Variants in NELL1 observed in about 807,000 individuals in gnomAD.
NELL1 encodes protein kinase C-binding protein NELL1.
A neutral mutation model predicts 107.4 loss-of-function variants in NELL1; 76 were observed. That is an observed-to-expected ratio of 0.71 (90% confidence interval 0.59 to 0.86). The LOEUF (loss-of-function observed/expected upper bound fraction) is 0.86, where lower values mean the gene tolerates loss of function less well. Among genes scored for constraint, NELL1 ranks in the 40% least tolerant of loss-of-function variants. The pLI, the probability that NELL1 is intolerant of heterozygous loss-of-function variation, is 0.00. For synonymous variants in NELL1, 353 were observed against 341.2 expected, an observed-to-expected ratio of 1.03 and a Z score of -0.38; for missense variants, 1,024 against 1,005.5, an observed-to-expected ratio of 1.02 and a Z score of -0.25.
chr11:20,819,667 C>T (rs1288028626), intron 3 of NELL1, among the ~76,000 whole-genome samples: 3 of 152,206 alleles, frequency 2.0e-5, no homozygotes, highest in Non-Finnish European at 4.4e-5. Context: ...CAGCCTTTAT[C>T]GATAAGTTCC....
chr11:21,036,746 A>C (rs1189219892), intron 12 of NELL1, among the ~76,000 whole-genome samples: 1 of 151,722 alleles, frequency 6.6e-6, no homozygotes, highest in Non-Finnish European at 1.5e-5. Flanking sequence ...ACACACACAC[A>C]CTCACACACA....
At chr11:21,568,256 A>G (rs939507883) in intron 17 of NELL1, among the ~76,000 whole-genome samples, 2 of 151,550 alleles carry the variant, frequency 1.3e-5, no homozygotes, top group Admixed American at 1.3e-4. Context: ...AAAAGGTACA[A>G]TAACAATACA....
chr11:20,766,439 C>T (rs1223057472), intron 2 of NELL1, among the ~76,000 whole-genome samples: 2 of 152,186 alleles, frequency 1.3e-5, no homozygotes, highest in Admixed American at 6.5e-5. Flanking sequence ...AGGTTTTCCC[C>T]ACCAACTGGC....
At chr11:21,404,405 T>A (rs906064234) in intron 15 of NELL1, among the ~76,000 whole-genome samples, 1 of 151,898 alleles carries the variant, frequency 6.6e-6, no homozygotes, top group East Asian at 2.0e-4. Flanking sequence ...CTTTAGAGTA[T>A]GTGGCCCATA....
At chr11:21,157,556 G>A (rs558023867) in intron 13 of NELL1, among the ~76,000 whole-genome samples, 1 of 152,144 alleles carries the variant, frequency 6.6e-6, no homozygotes, top group South Asian at 2.1e-4. Context: ...CCATGAGAAA[G>A]CAAATTGTCT....
chr11:21,156,382 C>G (rs1044646029), intron 13 of NELL1, among the ~76,000 whole-genome samples: 1 of 152,226 alleles, frequency 6.6e-6, no homozygotes, highest in South Asian at 2.1e-4. Context: ...TGGGCTTTGG[C>G]TGGGCAAAGG....
At chr11:20,794,147 A>T (rs1857127028) in intron 3 of NELL1, among the ~76,000 whole-genome samples, 2 of 152,288 alleles carry the variant, frequency 1.3e-5, no homozygotes, top group South Asian at 4.1e-4. Flanking sequence ...CAGGCTGAAA[A>T]TGTCATGTAT....
chr11:20,746,529 T>A (rs906488666), intron 2 of NELL1, among the ~76,000 whole-genome samples: 2 of 151,376 alleles, frequency 1.3e-5, no homozygotes, highest in African/African-American at 4.9e-5. Context: ...TAATAGATAG[T>A]GGTTATGATT....
At chr11:21,423,295 A>G (rs1390763610) in intron 15 of NELL1, among the ~76,000 whole-genome samples, 3 of 152,108 alleles carry the variant, frequency 2.0e-5, no homozygotes, top group Non-Finnish European at 4.4e-5. Context: ...GCTTGAACCC[A>G]GGAGATGGAG....
At chr11:20,852,893 A>C (rs1468136874) in intron 4 of NELL1, among the ~76,000 whole-genome samples, 1 of 152,232 alleles carries the variant, frequency 6.6e-6, no homozygotes, top group East Asian at 1.9e-4. Flanking sequence ...AAGTAACAGC[A>C]CAAGGTAAGA....
chr11:21,498,091 C>A (rs562138909), intron 15 of NELL1, among the ~76,000 whole-genome samples: 1 of 151,744 alleles, frequency 6.6e-6, no homozygotes, highest in Non-Finnish European at 1.5e-5. Flanking sequence ...ATTACAGATG[C>A]CTTTACACTA....
At chr11:21,555,552 G>C (rs1856684579) in intron 16 of NELL1, among the ~76,000 whole-genome samples, 1 of 151,822 alleles carries the variant, frequency 6.6e-6, no homozygotes. Context: ...TTAAAAGAAA[G>C]GGGAAGAGTC....
At chr11:21,340,944 T>C (rs527656307) in intron 14 of NELL1, among the ~76,000 whole-genome samples, 19 of 152,182 alleles carry the variant, frequency 1.2e-4, no homozygotes, top group Non-Finnish European at 1.8e-4. Flanking sequence ...CCTATTTCTC[T>C]ACCATACTTC....
chr11:21,269,584 C>T (rs1421422126), intron 14 of NELL1, among the ~76,000 whole-genome samples: 1 of 151,990 alleles, frequency 6.6e-6, no homozygotes, highest in Non-Finnish European at 1.5e-5. Flanking sequence ...ATGCTGCACC[C>T]AGTGAAATTA....
At chr11:21,539,182 C>A (rs1024439445) in intron 16 of NELL1, among the ~76,000 whole-genome samples, 9 of 152,058 alleles carry the variant, frequency 5.9e-5, no homozygotes, top group Non-Finnish European at 1.2e-4. Context: ...CCATGTGCTC[C>A]CAAACTCCTT....
intron 13 of NELL1, among the ~76,000 whole-genome samples, chr11:21,137,656 A>C (rs1855773419): frequency 6.6e-6 from 1 of 152,224 alleles, no homozygotes; most frequent in Non-Finnish European, 1.5e-5. Context: ...GTTAGGATGA[A>C]GAATACTTGA....
chr11:21,519,055 C>A (rs1179039959), intron 15 of NELL1, among the ~76,000 whole-genome samples: 1 of 152,114 alleles, frequency 6.6e-6, no homozygotes, highest in African/African-American at 2.4e-5. Flanking sequence ...TTCCCATAAA[C>A]TAAAGAAGGC....
At chr11:20,770,106 T>A (rs1179942832) in intron 2 of NELL1, among the ~76,000 whole-genome samples, 1 of 152,198 alleles carries the variant, frequency 6.6e-6, no homozygotes, top group Non-Finnish European at 1.5e-5. Flanking sequence ...TTCCCCCAAA[T>A]TGACATTTTC....
chr11:21,539,453 C>T (rs1248616449), intron 16 of NELL1, among the ~76,000 whole-genome samples: 1 of 151,868 alleles, frequency 6.6e-6, no homozygotes, highest in Non-Finnish European at 1.5e-5. Context: ...TCATATTACA[C>T]ACGGACTTGA....
Sources: allele counts gnomAD v4.1 joint callset (sites outside exome capture counted in the v4.1 genomes callset), GRCh38; gene constraint gnomAD v4.1.1; transcripts MANE v1.5; gene names NCBI Gene and HGNC (gene_info 2026-07-23, HGNC 2026-07-21).